The following ALDH4A1 variants were observed in gnomAD, a reference collection of about 807,000 sequenced individuals.
ALDH4A1 encodes the protein aldehyde dehydrogenase 4 family member A1.
In ALDH4A1, 46 loss-of-function variants were observed where a neutral mutation model predicts 70.5. The ratio of observed to expected loss-of-function variants is 0.65; its 90% CI spans 0.51 to 0.83. The LOEUF (loss-of-function observed/expected upper bound fraction) is 0.83. ALDH4A1 is among the 40% of genes least tolerant of loss of function. ALDH4A1 has a pLI of 0.00. For synonymous variants in ALDH4A1, 323 were observed against 324.3 expected (o/e 1.00, Z 0.04); for missense variants, 749 against 766.5 (o/e 0.98, Z 0.27).
At position 18,889,362 on chromosome 1, in the gene ALDH4A1, C is replaced by T. The variant is rs1935344365; in HGVS notation, c.249G>A (p.Ser83=). The T allele has an allele frequency of 4.5e-6, 7 of 1,551,866 alleles. No homozygotes were observed. Among genetic ancestry groups the T allele is most frequent in the East Asian group, 2.4e-5 (1 of 40,912 alleles). ...AGCTCTGCCCACCCGCTGGACATAC[C>T]GACACTTGGTACTGCACGTCCGACG... ...VWTSDVQYQV[S]PFNHGHKVAK... The change falls in exon 3 of 15, where the codon TCG becomes TCA. Residue 83 remains serine, a splice_region_variant and synonymous_variant. Transcript: ENST00000375341.
At chr1:18,877,715 G>A in intron 9 of ALDH4A1, 103 bp from the exon 10 acceptor site, 12 of 1,373,284 alleles carry the variant, frequency 8.7e-6, no homozygotes, top group Middle Eastern at 2.5e-4. Context: ...GGACCAACAC[G>A]AGCACGGAGC....
intron 14 of ALDH4A1, among the ~76,000 whole-genome samples, 157 bp from the exon 15 acceptor site, chr1:18,873,114 C>T (rs1934518019): frequency 6.6e-6 from 1 of 152,188 alleles, no homozygotes; most frequent in Non-Finnish European, 1.5e-5. Context: ...GAGGGATGGA[C>T]AGGAGACCCT....
Position 18,876,556 on chromosome 1 carries a change from C to T in ALDH4A1, c.1186-89G>A, listed in dbSNP as rs1934694910. On this transcript the variant is annotated intron_variant, in intron 11 of 14. Transcript: ENST00000375341. ...CAACACACTCACCCCGAAACACCTGCACCTGAAGGGCCCAACTCCTGAAAC... is the reference window on the plus strand; with the variant it reads ...CAACACACTCACCCCGAAACACCTGTACCTGAAGGGCCCAACTCCTGAAAC... The T allele has an allele frequency of 5.6e-6, 8 of 1,429,088 alleles. No homozygotes were observed. The African/African-American group carries it at 7.1e-5, about 13-fold the overall frequency. 88.5% of individuals were successfully genotyped at this position (1,429,088 alleles called of 1,614,324 possible).
rs1025299467 is a variant in ALDH4A1, at chr1:18,876,404, C to G, written c.1249G>C (p.Ala417Pro). ...ACGGAGTCATCACACTTGCCCCCGG[C>G]CAGGATGGTGAGGCTGGGTGAGGAG... is the stretch of plus-strand genomic sequence containing the variant. ...ARSSPSLTIL[A>P]GGKCDDSVGY... Residue 417 changes from alanine (A) to proline (P), a missense_variant, in exon 12 of 15, where the codon GCC becomes CCC. By Grantham distance (27) the Ala-to-Pro change is conservative (BLOSUM62 -1). Transcript: ENST00000375341. The G allele has an allele frequency of 1.2e-6, 2 of 1,613,172 alleles. No homozygotes were observed. The highest frequency in any genetic ancestry group is 1.3e-5 in the African/African-American group (1 of 75,024).
At chr1:18,894,617 A>C (rs1016498999) in intron 1 of ALDH4A1, among the ~76,000 whole-genome samples, 3 of 152,098 alleles carry the variant, frequency 2.0e-5, no homozygotes, top group African/African-American at 7.2e-5. Context: ...AGAGTCAGAG[A>C]TCCTGCAGGC....
intron 5 of ALDH4A1, among the ~76,000 whole-genome samples, chr1:18,884,218 G>C (rs1449008323): frequency 1.3e-5 from 2 of 152,186 alleles, no homozygotes; most frequent in East Asian, 3.8e-4. Flanking sequence ...GGCTCACCAG[G>C]AACACGCAGA....
intron 5 of ALDH4A1, among the ~76,000 whole-genome samples, chr1:18,884,098 C>G (rs1394711786): frequency 6.6e-6 from 1 of 152,172 alleles, no homozygotes; most frequent in Non-Finnish European, 1.5e-5. Context: ...AGACACACAG[C>G]CCATGAAGCT....
At chr1:18,900,979 T>G (rs1569810828) in intron 1 of ALDH4A1, 2 of 918,138 alleles carry the variant, frequency 2.2e-6, no homozygotes, top group Non-Finnish European at 2.6e-6. Flanking sequence ...TATTGGAGGG[T>G]TTTCCTATGC....
At chr1:18,893,417 AT>A (rs1935509880) in intron 1 of ALDH4A1, among the ~76,000 whole-genome samples, 2 of 152,142 alleles carry the variant, frequency 1.3e-5, no homozygotes, top group South Asian at 4.1e-4. Flanking sequence ...ATTTCAAGGC[AT>A]TTTGTTTCTG....
chr1:18,874,630 A>C, intron 13 of ALDH4A1, 49 bp from the exon 14 acceptor site: 1 of 1,582,834 alleles, frequency 6.3e-7, no homozygotes, highest in South Asian at 1.1e-5. Context: ...TCTCCCCTCC[A>C]GCCCCAGCTC....
At chr1:18,886,976 A>C (rs558543186) in intron 3 of ALDH4A1, among the ~76,000 whole-genome samples, 1 of 152,362 alleles carries the variant, frequency 6.6e-6, no homozygotes, top group East Asian at 1.9e-4. Context: ...TCTTTGGTCC[A>C]GTATGAGGCT....
Position 18,887,748 on chromosome 1 carries a change from G to A in ALDH4A1, c.250-1237C>T, listed in dbSNP as rs114021160. On this transcript the variant is annotated intron_variant, in intron 3 of 14. Transcript: ENST00000375341. ...GCAGCAAGCCATACTGCCCAGACCC[G>A]TCTCACCCATACCGATGAGTACCTC... 4.5e-3 allele frequency among the ~76,000 whole-genome samples: 679 copies of A among 152,214 alleles called. 3 individuals are homozygous for A. Among genetic ancestry groups the A allele is most frequent in the African/African-American group, 0.015 (612 of 41,536 alleles).
At chr1:18,881,401 C>T (rs920714376) in intron 8 of ALDH4A1, among the ~76,000 whole-genome samples, 1 of 152,174 alleles carries the variant, frequency 6.6e-6, no homozygotes, top group African/African-American at 2.4e-5. Context: ...GCAGAGGTAG[C>T]ACTGAAATCA....
chr1:18,885,427 T>TACCACCCCCCCCCCCCCCCCC, intron 5 of ALDH4A1, 46 bp downstream of exon 5: 5 of 650,920 alleles, frequency 7.7e-6, no homozygotes, highest in East Asian at 3.2e-5. Flanking sequence ...CACACCTGAC[T>TACCACCCCCCCCCCCCCCCCC]CCCACCCCAC....
Position 18,874,436 on chromosome 1 carries a change from CCCCTGTGGGAAGGGGGA to C in ALDH4A1, c.1579+10_1579+26del. On this transcript the variant is annotated intron_variant, in intron 14 of 14. Transcript: ENST00000375341. ...AGGGTCTCCCACCAGGAACTCAGCTCCCCTGTGGGAAGGGGGACCCACTCACCAGAGGCTCGGGCCCC... is the reference window on the plus strand; with the variant it reads ...AGGGTCTCCCACCAGGAACTCAGCTCCCCACTCACCAGAGGCTCGGGCCCC... 1 of 1,601,000 alleles carries C rather than the reference CCCCTGTGGGAAGGGGGA, an allele frequency of 6.2e-7. No individual in the cohort carries two copies. The highest frequency in any genetic ancestry group is 8.6e-7 in the Non-Finnish European group (1 of 1,168,920).
intron 1 of ALDH4A1, among the ~76,000 whole-genome samples, chr1:18,895,341 G>C (rs1390417675): frequency 6.6e-6 from 1 of 152,188 alleles, no homozygotes; most frequent in Non-Finnish European, 1.5e-5. Flanking sequence ...CTCTACAAGT[G>C]GGATCTAATC....
intron 1 of ALDH4A1, among the ~76,000 whole-genome samples, chr1:18,897,849 A>G (rs1429474049): frequency 6.6e-6 from 1 of 152,194 alleles, no homozygotes; most frequent in Non-Finnish European, 1.5e-5. Context: ...CGCCGCCCCA[A>G]GGTGGGCAGT....
chr1:18,882,347 A>C (rs1935011632), intron 7 of ALDH4A1, among the ~76,000 whole-genome samples: 1 of 152,096 alleles, frequency 6.6e-6, no homozygotes, highest in African/African-American at 2.4e-5. Flanking sequence ...CCATGTCCCT[A>C]GTACACACTC....
At chr1:18,874,233 C>T (rs1005428181) in intron 14 of ALDH4A1, among the ~76,000 whole-genome samples, 2 of 152,250 alleles carry the variant, frequency 1.3e-5, no homozygotes, top group Non-Finnish European at 2.9e-5. Context: ...ATTACAATCC[C>T]ACCAGGGTCA....
Sources: gnomAD v4.1 joint callset for allele counts (sites outside exome capture counted in the v4.1 genomes callset) on GRCh38, gnomAD v4.1.1 for gene constraint, MANE v1.5 for transcripts, NCBI Gene and HGNC (gene_info 2026-07-23, HGNC 2026-07-21) for gene names.